Variants in RHBDF2 observed in about 807,000 individuals in gnomAD.
The protein encoded by RHBDF2 is rhomboid 5 homolog 2.
RHBDF2 carries 38 observed loss-of-function variants against 95.2 expected under a neutral mutation model. The observed-to-expected ratio is 0.40, with a 90% CI of 0.31 to 0.52. RHBDF2 has a LOEUF of 0.52. Ranked by LOEUF, RHBDF2 falls within the 20% of genes least tolerant of loss-of-function variation. The pLI is 0.56. For synonymous variants in RHBDF2, 442 were observed against 462.0 expected (o/e 0.96, Z 0.55); for missense variants, 863 against 1,137.7 (o/e 0.76, Z 3.47).
rs1231574585 is a variant in RHBDF2, at chr17:76,471,367, G to A, written c.*266C>T. The A allele has an allele frequency of 2.4e-5, 12 of 490,962 alleles. No individual in the cohort carries two copies. The East Asian group carries it at 4.1e-4, about 17-fold the overall frequency. The allele number at this position is 490,962 out of a possible 1,614,324, so 30.4% of individuals were successfully genotyped here. ...CAAGGAGCGGGATATTAGGAACTGA[G>A]ACCCAAGACTCAGAGAGGCAGGTGC... is the stretch of plus-strand genomic sequence containing the variant. On this transcript the variant is annotated 3_prime_UTR_variant, in exon 19 of 19. Coordinates refer to ENST00000675367, the MANE Select transcript of RHBDF2 (RefSeq NM_001005498.4).
intron 11 of RHBDF2, 56 bp from the exon 12 acceptor site, chr17:76,474,590 G>A (rs1365157455): frequency 3.7e-6 from 6 of 1,610,518 alleles, no homozygotes; most frequent in South Asian, 1.1e-5. Flanking sequence ...CCTGGGAGGG[G>A]TCCATCACTC....
intron 3 of RHBDF2, among the ~76,000 whole-genome samples, chr17:76,480,952 T>C (rs3809696): frequency 0.96 from 146,226 of 152,264 alleles, 70,511 homozygotes; most frequent in Non-Finnish European, 1. Flanking sequence ...AACACTGATC[T>C]GTTCTCGTCC....
intron 6 of RHBDF2, 127 bp from the exon 7 acceptor site, chr17:76,477,912 CA>C: frequency 7.2e-7 from 1 of 1,397,820 alleles, no homozygotes; most frequent in East Asian, 2.4e-5. Context: ...GGATCCTGCC[CA>C]AAGCGTGGAG....
At chr17:76,481,590 C>A in intron 2 of RHBDF2, 45 bp from the exon 3 acceptor site, 2 of 1,539,036 alleles carry the variant, frequency 1.3e-6, no homozygotes, top group African/African-American at 1.4e-5. Flanking sequence ...TGCGGGGTGG[C>A]GCAGTGTCAG....
rs77418554 is a variant in RHBDF2 at position 76,481,571 on chromosome 17, G to A, written c.-21-26C>T. On this transcript the variant is annotated intron_variant, in intron 2 of 18. Transcript: ENST00000675367. ...CTGGAATGGAGACCGGGAGAGCAGC[G>A]GTGGGCGGTGCGGGGTGGCGCAGTG... The A allele has an allele frequency of 2.0e-3, 3,131 of 1,584,826 alleles. 45 individuals are homozygous for A. The African/African-American group carries it at 0.035, about 18-fold the overall frequency.
chr17:76,477,678 A>C lies in RHBDF2; in HGVS notation c.780T>G (p.Phe260Leu), dbSNP rs1316876036. 1.2e-6 allele frequency: 2 copies of C among 1,613,998 alleles called. No individual in the cohort carries two copies. Among genetic ancestry groups the C allele is most frequent in the Non-Finnish European group, 1.7e-6 (2 of 1,180,012 alleles). ...TTGCCTTACTAAAAAAGGAGGAGTC[A>C]AACGTGTCTGCCCCATCGACCACAT... ...EEDVVDGADT[F>L]DSSFFSKEEM... is the part of the protein sequence containing the mutation. Residue 260 changes from phenylalanine to leucine, a missense_variant, in exon 7 of 19, where the codon TTT (phenylalanine) becomes TTG (leucine). Physicochemically the swap from Phe to Leu is conservative, Grantham distance 22. Around this residue, in one of 2 missense-constraint regions of RHBDF2, gnomAD observed 611 missense variants for 725.5 expected, o/e 0.84. Coordinates refer to ENST00000675367, the MANE Select transcript of RHBDF2 (RefSeq NM_001005498.4).
At chr17:76,487,644 G>A (rs1166095510) in intron 2 of RHBDF2, 68 bp downstream of exon 2, 3 of 152,286 alleles carry the variant, frequency 2.0e-5, no homozygotes, top group African/African-American at 7.2e-5. Flanking sequence ...GGCCCCGCAG[G>A]AGGTATCTGG....
In RHBDF2 at chr17:76,477,549, G is replaced by A. The variant is rs2073813741; in HGVS notation, c.801+108C>T. ...AGGACCATGCCACATCCCAGCAGTG[G>A]GCCTCTGGGTCCCTCAGGGGTTCCT... is the stretch of plus-strand genomic sequence containing the variant. On this transcript the variant is annotated intron_variant, in intron 7 of 18. Coordinates refer to ENST00000675367, the MANE Select transcript of RHBDF2 (RefSeq NM_001005498.4). 16 of 1,280,604 alleles carry A rather than the reference G, an allele frequency of 1.2e-5. 1 individual carries two copies. In the South Asian group the frequency reaches 2.1e-4, roughly 17 times the overall value. 79.3% of individuals were successfully genotyped at this position (1,280,604 alleles called of 1,614,324 possible).
chr17:76,472,310 C>T (rs1042131217), intron 18 of RHBDF2: 1 of 596,230 alleles, frequency 1.7e-6, no homozygotes. Context: ...AAGCCTGTTC[C>T]AGGCCGCACA....
Position 76,471,084 on chromosome 17 carries a change from C to G in RHBDF2, c.*549G>C, listed in dbSNP as rs1053327428. ...CCTGAGGTCTACTTGTGTCTCCCCC[C>G]TTGTTCTCTGCCCCCAGACCATGGC... On this transcript the variant is annotated 3_prime_UTR_variant, in exon 19 of 19. Transcript: ENST00000675367. The G allele has an allele frequency of 3.8e-5, 6 of 156,916 alleles. No individual in the cohort carries two copies. Among genetic ancestry groups the G allele is most frequent in the African/African-American group, 1.4e-4 (6 of 41,496 alleles). 9.7% of individuals were successfully genotyped at this position (156,916 alleles called of 1,614,324 possible).
intron 16 of RHBDF2, 61 bp from the exon 17 acceptor site, chr17:76,473,166 T>C (rs1598650504): frequency 6.3e-7 from 1 of 1,585,954 alleles, no homozygotes; most frequent in Non-Finnish European, 8.7e-7. Context: ...GGCTCCGACA[T>C]GGGAGGGAGT....
At chr17:76,496,633 G>A (rs1270748680) in intron 1 of RHBDF2, among the ~76,000 whole-genome samples, 1 of 152,250 alleles carries the variant, frequency 6.6e-6, no homozygotes, top group Non-Finnish European at 1.5e-5. Context: ...TGAGGCTAAG[G>A]GTGAGAGGCG....
intron 1 of RHBDF2, among the ~76,000 whole-genome samples, chr17:76,498,061 G>C (rs2074471447): frequency 6.6e-6 from 1 of 152,180 alleles, no homozygotes; most frequent in Non-Finnish European, 1.5e-5. Context: ...TGGACACGGT[G>C]GCGCTTTGTA....
At position 76,474,098 on chromosome 17, in the gene RHBDF2, G is replaced by A. The variant is rs758642827; in HGVS notation, c.1509C>T (p.Pro503=). ...TFVKWQDDTG[P]PMDKSDLGQK... ...GGCCCAGATCAGACTTGTCCATGGG[G>A]GGCCCAGTGTCATCCTGCCACTTGA... The change falls in exon 13 of 19, where the codon CCC becomes CCT. Residue 503 remains proline, a synonymous_variant. Transcript: ENST00000675367. 52 of 1,607,146 alleles carry A rather than the reference G, an allele frequency of 3.2e-5. No individual in the cohort carries two copies. The Admixed American group carries it at 8.6e-4, about 27-fold the overall frequency.
chr17:76,479,119 T>C lies in RHBDF2; in HGVS notation c.431A>G (p.Gln144Arg), dbSNP rs2073865177. The C allele has an allele frequency of 1.2e-6, 2 of 1,613,648 alleles. No individual in the cohort carries two copies. Among genetic ancestry groups the C allele is most frequent in the Non-Finnish European group, 1.7e-6 (2 of 1,179,916 alleles). ...ELPSQEAPSF[Q>R]GTESPKPCKM... ...GCAGGGCTTTGGGGACTCAGTGCCC[T>C]GGAAGGACGGTGCCTCCTGGCTGGG... Residue 144 changes from glutamine (Q) to arginine (R), a missense_variant, in exon 5 of 19, where the codon CAG (glutamine) becomes CGG (arginine). By Grantham distance (43) the Gln-to-Arg change is conservative. Coordinates refer to ENST00000675367, the MANE Select transcript of RHBDF2 (RefSeq NM_001005498.4).
intron 1 of RHBDF2, among the ~76,000 whole-genome samples, chr17:76,489,865 A>G (rs989479744): frequency 6.6e-6 from 1 of 152,204 alleles, no homozygotes; most frequent in Non-Finnish European, 1.5e-5. Flanking sequence ...ATAGCCAGGA[A>G]AGGGTGTAGC....
chr17:76,473,909 A>G lies in RHBDF2; in HGVS notation c.1575-7T>C. 1 of 1,613,848 alleles carries G rather than the reference A, an allele frequency of 6.2e-7. No individual in the cohort carries two copies. Among genetic ancestry groups the G allele is most frequent in the African/African-American group, 1.3e-5 (1 of 75,042 alleles). On this transcript the variant is annotated splice_region_variant and splice_polypyrimidine_tract_variant and intron_variant, in intron 13 of 18. Transcript: ENST00000675367. ...GGCTGGCTCCTCGCAGGTCCTGGAG[A>G]CAGGGTTCAGATTGGGCTGTGGCAC...
At chr17:76,480,738 CGT>C (rs1491574499) in intron 3 of RHBDF2, among the ~76,000 whole-genome samples, 3 of 152,194 alleles carry the variant, frequency 2.0e-5, no homozygotes, top group Non-Finnish European at 4.4e-5. Context: ...TCAAGGCCAG[CGT>C]GTGTTTTCCT....
At chr17:76,490,479 A>G (rs1003156332) in intron 1 of RHBDF2, among the ~76,000 whole-genome samples, 1 of 152,122 alleles carries the variant, frequency 6.6e-6, no homozygotes, top group African/African-American at 2.4e-5. Context: ...CCTCTGCAAG[A>G]AAAGTTCATA....
Sources: allele counts gnomAD v4.1 joint callset (sites outside exome capture counted in the v4.1 genomes callset), GRCh38; gene constraint gnomAD v4.1.1; regional missense constraint gnomAD v4.1.1; transcripts MANE v1.5; gene names NCBI Gene and HGNC (gene_info 2026-07-23, HGNC 2026-07-21).